Variants in COX7B2 observed in about 807,000 individuals in gnomAD.
COX7B2 encodes the protein cytochrome c oxidase subunit 7B2, mitochondrial.
For missense variants in COX7B2, 109 were observed against 95.9 expected (o/e 1.14, Z -0.57); for synonymous variants, 37 against 32.1 (o/e 1.15, Z -0.51).
intron 1 of COX7B2, among the ~76,000 whole-genome samples, chr4:46,875,945 C>A (rs1479515604): frequency 6.6e-6 from 1 of 152,052 alleles, no homozygotes; most frequent in African/African-American, 2.4e-5. Flanking sequence ...TGAGTTTATA[C>A]TACATAGAGT....
At chr4:46,776,907 T>A (rs1717184123) in intron 2 of COX7B2, among the ~76,000 whole-genome samples, 2 of 152,156 alleles carry the variant, frequency 1.3e-5, no homozygotes, top group Non-Finnish European at 2.9e-5. Context: ...CAGGCTGTCC[T>A]CCTCCTTTTT....
intron 2 of COX7B2, among the ~76,000 whole-genome samples, chr4:46,759,117 C>A (rs1488291263): frequency 6.6e-6 from 1 of 152,022 alleles, no homozygotes; most frequent in Non-Finnish European, 1.5e-5. Flanking sequence ...AAATGTAAAT[C>A]CTCTCTGGAA....
intron 1 of COX7B2, among the ~76,000 whole-genome samples, chr4:46,871,205 T>C (rs1017768329): frequency 6.6e-6 from 1 of 152,174 alleles, no homozygotes; most frequent in Non-Finnish European, 1.5e-5. Flanking sequence ...AATAACCATA[T>C]GATCTTTGAC....
intron 2 of COX7B2, among the ~76,000 whole-genome samples, chr4:46,750,655 C>T (rs1223318431): frequency 6.6e-6 from 1 of 152,040 alleles, no homozygotes; most frequent in Non-Finnish European, 1.5e-5. Flanking sequence ...CCTAGGCTGC[C>T]CAAACAAAAT....
intron 2 of COX7B2, among the ~76,000 whole-genome samples, chr4:46,820,835 ATAT>A (rs1206001692): frequency 0.023 from 3,083 of 135,830 alleles, 82 homozygotes; most frequent in African/African-American, 0.066. Flanking sequence ...AAAAAAAAAA[ATAT>A]ATATATATAT....
At chr4:46,849,458 T>G (rs1278269789) in intron 1 of COX7B2, among the ~76,000 whole-genome samples, 1 of 152,104 alleles carries the variant, frequency 6.6e-6, no homozygotes, top group Non-Finnish European at 1.5e-5. Flanking sequence ...CAGCAGAGGC[T>G]CCTGTGAACT....
chr4:46,780,244 C>G lies in COX7B2; in HGVS notation c.-49-45003G>C, dbSNP rs529809421. 1.2e-3 allele frequency among the ~76,000 whole-genome samples: 187 copies of G among 152,254 alleles called. 1 individual carries two copies. The highest frequency in any genetic ancestry group is 4.3e-3 in the African/African-American group (177 of 41,544). On this transcript the variant is annotated intron_variant, in intron 2 of 2. Coordinates refer to ENST00000355591, the MANE Select transcript of COX7B2 (RefSeq NM_130902.3). Reference sequence around the variant, plus strand: ...AGTCTAAACCCCTGCTGGCCGGGCACGGTGGCTCACACCTGTAATCCCCAG... The same window carrying G: ...AGTCTAAACCCCTGCTGGCCGGGCAGGGTGGCTCACACCTGTAATCCCCAG...
At position 46,828,308 on chromosome 4, in the gene COX7B2, A is replaced by G. The variant is rs537555714; in HGVS notation, c.-50+16652T>C. 1.6e-4 allele frequency among the ~76,000 whole-genome samples: 24 copies of G among 152,314 alleles called. No individual in the cohort carries two copies. In the South Asian group the frequency reaches 1.7e-3, roughly 11 times the overall value. On this transcript the variant is annotated intron_variant, in intron 2 of 2. Coordinates refer to ENST00000355591, the MANE Select transcript of COX7B2 (RefSeq NM_130902.3). ...ACAGAAAACCCAATAGAAGGAGTTGACAAAAGCTTCACATATGAAAATAAG... is the reference window on the plus strand; with the variant it reads ...ACAGAAAACCCAATAGAAGGAGTTGGCAAAAGCTTCACATATGAAAATAAG...
chr4:46,906,525 T>C (rs1720402190), intron 1 of COX7B2, among the ~76,000 whole-genome samples: 1 of 152,240 alleles, frequency 6.6e-6, no homozygotes, highest in African/African-American at 2.4e-5. Context: ...TTCTAACTGG[T>C]TAACCTTTTT....
At chr4:46,873,914 T>C (rs1311354670) in intron 1 of COX7B2, among the ~76,000 whole-genome samples, 1 of 152,108 alleles carries the variant, frequency 6.6e-6, no homozygotes, top group Non-Finnish European at 1.5e-5. Flanking sequence ...AGTGAGAACA[T>C]GCAGTGTTTT....
At chr4:46,850,011 T>A (rs970982726) in intron 1 of COX7B2, among the ~76,000 whole-genome samples, 11 of 152,064 alleles carry the variant, frequency 7.2e-5, no homozygotes, top group African/African-American at 2.2e-4. Flanking sequence ...ATGTTTTTTT[T>A]ATCAACAACA....
intron 1 of COX7B2, among the ~76,000 whole-genome samples, chr4:46,872,674 C>A (rs1718066556): frequency 6.6e-6 from 1 of 152,098 alleles, no homozygotes; most frequent in African/African-American, 2.4e-5. Flanking sequence ...AGGAAATGAT[C>A]TCAGAGGTCA....
intron 2 of COX7B2, among the ~76,000 whole-genome samples, chr4:46,811,190 C>T (rs1046530812): frequency 6.6e-6 from 1 of 152,118 alleles, no homozygotes; most frequent in Non-Finnish European, 1.5e-5. Flanking sequence ...ATGTCCATAT[C>T]TCTTCCCAGA....
chr4:46,787,452 A>T (rs190872233), intron 2 of COX7B2, among the ~76,000 whole-genome samples: 65 of 151,418 alleles, frequency 4.3e-4, no homozygotes, highest in African/African-American at 1.4e-3. Context: ...TGTCTCAAAT[A>T]AAAAAAAATA....
chr4:46,764,473 G>C (rs1284518597), intron 2 of COX7B2, among the ~76,000 whole-genome samples: 2 of 152,068 alleles, frequency 1.3e-5, no homozygotes, highest in Non-Finnish European at 2.9e-5. Flanking sequence ...AGCCTGGGAG[G>C]CGGAGGTTGC....
chr4:46,874,112 T>C (rs1488768069), intron 1 of COX7B2, among the ~76,000 whole-genome samples: 1 of 152,174 alleles, frequency 6.6e-6, no homozygotes, highest in Non-Finnish European at 1.5e-5. Context: ...ACTTGGCATA[T>C]CCATACATTT....
chr4:46,888,148 T>G (rs1719195417), intron 1 of COX7B2, among the ~76,000 whole-genome samples: 1 of 152,102 alleles, frequency 6.6e-6, no homozygotes, highest in Admixed American at 6.5e-5. Context: ...AGCAAAGCGG[T>G]GTCGCTTTCA....
intron 1 of COX7B2, among the ~76,000 whole-genome samples, chr4:46,893,295 T>C (rs1719552016): frequency 1.3e-5 from 2 of 152,196 alleles, no homozygotes; most frequent in South Asian, 2.1e-4. Context: ...TGTTCCTTTA[T>C]AGCATTTTAC....
intron 1 of COX7B2, among the ~76,000 whole-genome samples, chr4:46,861,663 A>G (rs2109802273): frequency 6.6e-6 from 1 of 152,358 alleles, no homozygotes; most frequent in African/African-American, 2.4e-5. Context: ...AAAAGAAACA[A>G]AATAGGGAGA....
Sources: gnomAD v4.1 joint callset for allele counts (sites outside exome capture counted in the v4.1 genomes callset) on GRCh38, gnomAD v4.1.1 for gene constraint, MANE v1.5 for transcripts, NCBI Gene and HGNC (gene_info 2026-07-23, HGNC 2026-07-21) for gene names.